STK4: variants seen among roughly 807,000 people sequenced by gnomAD.
The protein encoded by STK4 is serine/threonine kinase 4.
Under a neutral mutation model 64.9 loss-of-function variants are expected in STK4, and 30 were observed. The ratio of observed to expected loss-of-function variants is 0.46; its 90% CI spans 0.35 to 0.63. The LOEUF is 0.63. Ranked by LOEUF, STK4 falls within the 20% of genes least tolerant of loss-of-function variation. The pLI is 0.01. For missense variants in STK4, 466 were observed against 598.5 expected (o/e 0.78, Z 2.31); for synonymous variants, 177 against 199.0 (o/e 0.89, Z 0.93).
intron 9 of STK4, among the ~76,000 whole-genome samples, chr20:45,012,979 T>A (rs941971931): frequency 8.9e-4 from 55 of 61,610 alleles, no homozygotes; most frequent in African/African-American, 1.3e-3. Flanking sequence ...TTTTTTTTTT[T>A]ATAGAGATGG....
chr20:45,046,408 C>A (rs2068695742), intron 10 of STK4, among the ~76,000 whole-genome samples: 1 of 150,290 alleles, frequency 6.7e-6, no homozygotes, highest in African/African-American at 2.5e-5. Flanking sequence ...GCACTGTAGC[C>A]TGGGTAACAG....
At chr20:45,020,439 CGTGTGTGTGT>C (rs60999826) in intron 9 of STK4, among the ~76,000 whole-genome samples, 2 of 145,202 alleles carry the variant, frequency 1.4e-5, no homozygotes, top group South Asian at 2.2e-4. Flanking sequence ...TATGTTTATG[CGTGTGTGTGT>C]GTGTGTGTGT....
intron 9 of STK4, among the ~76,000 whole-genome samples, chr20:45,002,127 C>G (rs1161434350): frequency 6.6e-6 from 1 of 152,158 alleles, no homozygotes; most frequent in African/African-American, 2.4e-5. Flanking sequence ...CAGTAATGAG[C>G]TACTGACCTC....
chr20:45,053,102 A>G lies in STK4; in HGVS notation c.1306-21916A>G, dbSNP rs1401513015. The G allele has an allele frequency of 5.6e-6, 9 of 1,612,568 alleles. No homozygotes were observed. In the Admixed American group the frequency reaches 1.3e-4, roughly 24 times the overall value. Reference sequence around the variant, plus strand: ...TTCTTTCAGAAAACTAGCCAAGAACAGCAGTCTGGAAAAGACATATGTATC... The same window carrying G: ...TTCTTTCAGAAAACTAGCCAAGAACGGCAGTCTGGAAAAGACATATGTATC... On this transcript the variant is annotated intron_variant, in intron 10 of 10. Coordinates refer to ENST00000372806, the MANE Select transcript of STK4 (RefSeq NM_006282.5).
chr20:45,049,723 A>G (rs1249267326), intron 10 of STK4, among the ~76,000 whole-genome samples: 1 of 152,180 alleles, frequency 6.6e-6, no homozygotes, highest in African/African-American at 2.4e-5. Flanking sequence ...GTATTCGGTT[A>G]ATGGAGTTTT....
Position 44,979,528 on chromosome 20 carries a change from G to C in STK4, c.245+957G>C, listed in dbSNP as rs901113793. Among the ~76,000 whole-genome samples, 7 of 152,268 alleles carry C rather than the reference G, an allele frequency of 4.6e-5. No individual in the cohort carries two copies. The East Asian group carries it at 1.4e-3, about 29-fold the overall frequency. On this transcript the variant is annotated intron_variant, in intron 3 of 10. Transcript: ENST00000372806. ...GGCTTCCCCAGCACTATTTAGATTA[G>C]AGACAAACACAAAGTTAGGGGCAAT...
rs113468179 is a variant in STK4, at chr20:45,046,446, GAA to G, written c.1305+21329_1305+21330del. ...TGAGACCCTATCTCAAAACTAAAAG[GAA>G]AAAAAAAAAAAAGCAAATATAACCT... On this transcript the variant is annotated intron_variant, in intron 10 of 10. Coordinates refer to ENST00000372806, the MANE Select transcript of STK4 (RefSeq NM_006282.5). Among the ~76,000 whole-genome samples the G allele has an allele frequency of 3.1e-4, 35 of 113,632 alleles. 1 individual carries two copies. In the South Asian group the frequency reaches 5.5e-3, roughly 18 times the overall value. The allele number at this position is 113,632 out of a possible 152,430, so 74.5% of individuals were successfully genotyped here.
intron 4 of STK4, among the ~76,000 whole-genome samples, chr20:44,984,256 G>A (rs79951077): frequency 0.17 from 22,991 of 138,232 alleles, 2,086 homozygotes; most frequent in Admixed American, 0.31. Flanking sequence ...GTGCAGTGGT[G>A]TGAACTCGGC....
At chr20:44,975,470 T>C in intron 2 of STK4, 1 of 638,312 alleles carries the variant, frequency 1.6e-6, no homozygotes, top group South Asian at 6.9e-5. Flanking sequence ...CTTTCTAATA[T>C]ATAAGAATAA....
chr20:44,988,567 A>ATATATG (rs1555808412), intron 5 of STK4, among the ~76,000 whole-genome samples: 1 of 142,316 alleles, frequency 7.0e-6, no homozygotes, highest in Non-Finnish European at 1.5e-5. Context: ...ATATATATAT[A>ATATATG]TGTATCCATT....
chr20:45,007,564 A>G (rs894838312), intron 9 of STK4, among the ~76,000 whole-genome samples: 3 of 151,812 alleles, frequency 2.0e-5, no homozygotes, highest in Admixed American at 6.6e-5. Flanking sequence ...AAACAAACAA[A>G]AAAAAGAAAG....
At position 45,078,769 on chromosome 20, in the gene STK4, G is replaced by A. The variant is rs1218281248; in HGVS notation, c.*3593G>A. 1 of 152,072 alleles carries A rather than the reference G, an allele frequency of 6.6e-6. No homozygotes were observed. The highest frequency in any genetic ancestry group is 1.5e-5 in the Non-Finnish European group (1 of 67,968). 9.4% of individuals were successfully genotyped at this position (152,072 alleles called of 1,614,324 possible). On this transcript the variant is annotated 3_prime_UTR_variant, in exon 11 of 11. Coordinates refer to ENST00000372806, the MANE Select transcript of STK4 (RefSeq NM_006282.5). ...TTGACTCCTTGAGACTGTAGATTTC[G>A]ATCCAGGAAACATTTATTTAGCACC...
intron 10 of STK4, among the ~76,000 whole-genome samples, chr20:45,055,302 C>T (rs6094089): frequency 6.6e-6 from 1 of 152,100 alleles, no homozygotes. Context: ...CCACTTTGTC[C>T]TTGTGGTCTA....
chr20:45,058,599 C>CT (rs1978703548), intron 10 of STK4, among the ~76,000 whole-genome samples: 1 of 151,978 alleles, frequency 6.6e-6, no homozygotes, highest in African/African-American at 2.4e-5. Flanking sequence ...ATTCTTTGGG[C>CT]TTTTTTTATT....
intron 4 of STK4, 118 bp from the exon 5 acceptor site, chr20:44,987,014 G>T: frequency 2.5e-6 from 2 of 801,158 alleles, no homozygotes; most frequent in South Asian, 2.0e-5. Context: ...GTCAAATGCT[G>T]TTCACAGGTT....
chr20:45,079,392 C>A lies in STK4; in HGVS notation c.*4216C>A, dbSNP rs970390569. 2.0e-5 allele frequency: 3 copies of A among 152,152 alleles called. No homozygotes were observed. Among genetic ancestry groups the A allele is most frequent in the Non-Finnish European group, 2.9e-5 (2 of 68,018 alleles). The allele number at this position is 152,152 out of a possible 1,614,324, so 9.4% of individuals were successfully genotyped here. Reference sequence around the variant, plus strand: ...AATATGGCAGAGCCATGATTCAGATCCAGGTCTTCTGATTCTTATTCCAGT... The same window carrying A: ...AATATGGCAGAGCCATGATTCAGATACAGGTCTTCTGATTCTTATTCCAGT... On this transcript the variant is annotated 3_prime_UTR_variant, in exon 11 of 11. Transcript: ENST00000372806.
At chr20:45,000,631 C>CA in intron 8 of STK4, 111 bp downstream of exon 8, 4 of 1,461,984 alleles carry the variant, frequency 2.7e-6, no homozygotes, top group Non-Finnish European at 3.7e-6. Context: ...GCTGGAGATG[C>CA]TTCCAGCATA....
intron 9 of STK4, among the ~76,000 whole-genome samples, chr20:45,011,797 A>T (rs2068055966): frequency 6.8e-6 from 1 of 146,006 alleles, no homozygotes; most frequent in Admixed American, 6.9e-5. Flanking sequence ...AGTAAATAAC[A>T]GTAAAAATAT....
At chr20:45,032,952 A>G (rs946215458) in intron 10 of STK4, among the ~76,000 whole-genome samples, 18 of 152,138 alleles carry the variant, frequency 1.2e-4, no homozygotes, top group Non-Finnish European at 1.9e-4. Flanking sequence ...TGATTTTCTA[A>G]TAATAGCCAT....
Sources: allele counts gnomAD v4.1 joint callset (sites outside exome capture counted in the v4.1 genomes callset), GRCh38; gene constraint gnomAD v4.1.1; transcripts MANE v1.5; gene names NCBI Gene and HGNC (gene_info 2026-07-23, HGNC 2026-07-21).